PCDH19: variants seen among roughly 807,000 people sequenced by gnomAD.
PCDH19 encodes protocadherin 19, also known as protocadherin-19.
PCDH19 carries 6 observed loss-of-function variants against 46.2 expected under a neutral mutation model. The observed-to-expected ratio is 0.13, with a 90% CI of 0.07 to 0.26. PCDH19 has a LOEUF of 0.26. Ranked by LOEUF, PCDH19 falls within the 10% of genes least tolerant of loss-of-function variation. PCDH19 has a pLI of 1.00. For synonymous variants in PCDH19, 481 were observed against 415.7 expected (o/e 1.16, Z -1.91); for missense variants, 740 against 972.3 (o/e 0.76, Z 3.18).
rs140637072 is a variant in PCDH19 at position 100,334,585 on chromosome X, G to A, written c.2848+7318C>T. On this transcript the variant is annotated intron_variant, in intron 5 of 5. Coordinates refer to ENST00000373034, the MANE Select transcript of PCDH19 (RefSeq NM_001184880.2). ...AAGAAGCAAGGAGGAGCCAGACCCTGGCCCCCACTACTCAGCTCAGAGATA... is the reference window on the plus strand; with the variant it reads ...AAGAAGCAAGGAGGAGCCAGACCCTAGCCCCCACTACTCAGCTCAGAGATA... Among the ~76,000 whole-genome samples, 411 of 110,669 alleles carry A rather than the reference G, an allele frequency of 3.7e-3. 1 individual carries two copies. The highest frequency in any genetic ancestry group is 0.013 in the African/African-American group (382 of 30,368).
chrX:100,349,186 T>C (rs993765839), intron 4 of PCDH19, among the ~76,000 whole-genome samples: 1 of 112,082 alleles, frequency 8.9e-6, no homozygotes, highest in Admixed American at 9.5e-5. Flanking sequence ...AAAATGGAGC[T>C]TTGAAAATAA....
chrX:100,367,409 G>C (rs1927096859), intron 3 of PCDH19, among the ~76,000 whole-genome samples: 1 of 112,033 alleles, frequency 8.9e-6, no homozygotes, highest in South Asian at 3.8e-4. Flanking sequence ...CAAAATACCT[G>C]AGACTAGGAA....
chrX:100,317,823 G>A (rs1456944571), intron 5 of PCDH19, among the ~76,000 whole-genome samples: 1 of 111,522 alleles, frequency 9.0e-6, no homozygotes, highest in Non-Finnish European at 1.9e-5. Flanking sequence ...AAGATAGAGT[G>A]TAAGCTTGGT....
intron 5 of PCDH19, among the ~76,000 whole-genome samples, chrX:100,313,955 C>A (rs1302875573): frequency 9.1e-6 from 1 of 109,927 alleles, no homozygotes; most frequent in Non-Finnish European, 1.9e-5. Flanking sequence ...GAATAAGATG[C>A]TTATAGGACA....
At chrX:100,395,688 A>G (rs745805561) in intron 3 of PCDH19, among the ~76,000 whole-genome samples, 4 of 113,111 alleles carry the variant, frequency 3.5e-5, no homozygotes, top group Non-Finnish European at 5.6e-5. Flanking sequence ...TCTGCACAGG[A>G]GCTCAAGCTC....
intron 3 of PCDH19, among the ~76,000 whole-genome samples, chrX:100,386,374 T>C (rs1003171678): frequency 8.9e-6 from 1 of 111,821 alleles, no homozygotes; most frequent in South Asian, 3.8e-4. Context: ...CCCTCACTGA[T>C]TGGCAAGTGT....
chrX:100,382,778 G>A (rs1397106221), intron 3 of PCDH19, among the ~76,000 whole-genome samples: 3 of 111,991 alleles, frequency 2.7e-5, no homozygotes, highest in African/African-American at 9.7e-5. Context: ...CATCAGAAGA[G>A]GGCTTCTGGC....
At chrX:100,337,097 C>G (rs1265720308) in intron 5 of PCDH19, among the ~76,000 whole-genome samples, 13 of 111,410 alleles carry the variant, frequency 1.2e-4, no homozygotes, top group Non-Finnish European at 3.8e-5. Context: ...TGGCACCTCT[C>G]ACTACTCTAC....
rs1223955724 is a variant in PCDH19, at chrX:100,295,633, C to T, written c.*644G>A. ...TTATTTTTTTAAGAAAAAGAAAACA[C>T]CAACTTTTAAAAGCCTTTTGCCATC... On this transcript the variant is annotated 3_prime_UTR_variant, in exon 6 of 6. Coordinates refer to ENST00000373034, the MANE Select transcript of PCDH19 (RefSeq NM_001184880.2). 8.9e-6 allele frequency: 1 copy of T among 112,027 alleles called. No individual in the cohort carries two copies. Among genetic ancestry groups the T allele is most frequent in the Non-Finnish European group, 1.9e-5 (1 of 53,250 alleles). The allele number at this position is 112,027 out of a possible 1,213,427, so 9.2% of individuals were successfully genotyped here.
chrX:100,310,891 C>A (rs2147458201), intron 5 of PCDH19, among the ~76,000 whole-genome samples: 1 of 109,482 alleles, frequency 9.1e-6, no homozygotes, highest in Non-Finnish European at 1.9e-5. Context: ...CTCACTCTTG[C>A]CCAAGCTGGA....
chrX:100,393,366 G>A (rs765173036), intron 3 of PCDH19, among the ~76,000 whole-genome samples: 4 of 110,550 alleles, frequency 3.6e-5, no homozygotes, highest in South Asian at 3.9e-4. Flanking sequence ...CAGCCCAGCC[G>A]GCAAAGGCTC....
rs60720039 is a variant in PCDH19 at position 100,322,833 on chromosome X, G to GTATA, written c.2848+19066_2848+19069dup. On this transcript the variant is annotated intron_variant, in intron 5 of 5. Transcript: ENST00000373034. ...CCTCCTTGGTTAGGTATATTCCTAAGTATATATATATATATATATATATAT... is the reference window on the plus strand; with the variant it reads ...CCTCCTTGGTTAGGTATATTCCTAAGTATATATATATATATATATATATATATAT... Among the ~76,000 whole-genome samples, 311 of 48,757 alleles carry GTATA rather than the reference G, an allele frequency of 6.4e-3. 10 individuals carry two copies. Among genetic ancestry groups the GTATA allele is most frequent in the African/African-American group, 0.026 (195 of 7,409 alleles). The allele number at this position is 48,757 out of a possible 115,157, so 42.3% of individuals were successfully genotyped here.
intron 3 of PCDH19, among the ~76,000 whole-genome samples, chrX:100,362,436 G>C (rs1164832443): frequency 9.0e-6 from 1 of 110,609 alleles, no homozygotes; most frequent in Non-Finnish European, 1.9e-5. Context: ...AAACAATGAT[G>C]TACCTTTGTG....
intron 5 of PCDH19, among the ~76,000 whole-genome samples, chrX:100,341,509 T>C (rs1926250819): frequency 8.9e-6 from 1 of 112,026 alleles, no homozygotes; most frequent in African/African-American, 3.2e-5. Flanking sequence ...AACCCACCCC[T>C]TTGGTCTCAT....
intron 5 of PCDH19, among the ~76,000 whole-genome samples, chrX:100,318,927 C>T (rs1275270240): frequency 1.8e-5 from 2 of 110,761 alleles, no homozygotes; most frequent in Non-Finnish European, 3.8e-5. Flanking sequence ...CTGTGCTTTC[C>T]TTTTCTCCTA....
chrX:100,349,877 C>G (rs1024117915), intron 4 of PCDH19, among the ~76,000 whole-genome samples: 2 of 112,493 alleles, frequency 1.8e-5, no homozygotes, highest in Non-Finnish European at 3.8e-5. Context: ...GTCCTTCTCC[C>G]ATTGGGTGCA....
At chrX:100,353,631 A>G (rs1926630219) in intron 3 of PCDH19, among the ~76,000 whole-genome samples, 2 of 111,943 alleles carry the variant, frequency 1.8e-5, no homozygotes, top group African/African-American at 6.5e-5. Flanking sequence ...AATTACCTTA[A>G]CAATTCTTCC....
intron 3 of PCDH19, among the ~76,000 whole-genome samples, chrX:100,361,579 C>CA (rs891869498): frequency 1.8e-5 from 2 of 111,962 alleles, no homozygotes; most frequent in Non-Finnish European, 3.8e-5. Flanking sequence ...GCACACAATA[C>CA]AAAAAAACTT....
At chrX:100,382,422 G>C (rs1216320001) in intron 3 of PCDH19, among the ~76,000 whole-genome samples, 1 of 112,268 alleles carries the variant, frequency 8.9e-6, no homozygotes, top group Admixed American at 9.5e-5. Flanking sequence ...GTCTGAGACA[G>C]AGCATAGTCC....
Sources: gnomAD v4.1 joint callset for allele counts (sites outside exome capture counted in the v4.1 genomes callset) on GRCh38, gnomAD v4.1.1 for gene constraint, MANE v1.5 for transcripts, NCBI Gene and HGNC (gene_info 2026-07-23, HGNC 2026-07-21) for gene names.